The following RUFY3 variants were observed in gnomAD, a reference collection of about 807,000 sequenced individuals.
The protein encoded by RUFY3 is protein RUFY3.
In RUFY3, 34 loss-of-function variants were observed where a neutral mutation model predicts 84.0. That is an observed-to-expected ratio of 0.40 (90% CI 0.31 to 0.54). The LOEUF is 0.54. RUFY3 is among the 20% of genes least tolerant of loss of function. The pLI is 0.39. For missense variants in RUFY3, 507 were observed against 736.8 expected, an observed-to-expected ratio of 0.69 and a Z score of 3.61; for synonymous variants, 242 against 252.9, an observed-to-expected ratio of 0.96 and a Z score of 0.41.
At chr4:70,715,006 A>G (rs903035813) in intron 1 of RUFY3, among the ~76,000 whole-genome samples, 1 of 152,236 alleles carries the variant, frequency 6.6e-6, no homozygotes, top group Non-Finnish European at 1.5e-5. Flanking sequence ...TGTTTCTAAC[A>G]AAGTAATGAT....
At chr4:70,731,352 T>G (rs10009233) in intron 1 of RUFY3, among the ~76,000 whole-genome samples, 32,498 of 152,156 alleles carry the variant, frequency 0.21, 7,828 homozygotes, top group African/African-American at 0.59. Context: ...ATTGCCATCT[T>G]TTAAAGTGGA....
At chr4:70,730,310 A>G (rs1290795224) in intron 1 of RUFY3, among the ~76,000 whole-genome samples, 2 of 152,184 alleles carry the variant, frequency 1.3e-5, no homozygotes. Flanking sequence ...TGAATGCAAT[A>G]AAATATACAT....
At chr4:70,739,328 T>C (rs185178782) in intron 1 of RUFY3, among the ~76,000 whole-genome samples, 2 of 152,342 alleles carry the variant, frequency 1.3e-5, no homozygotes, top group East Asian at 3.9e-4. Context: ...TAAAATTCCA[T>C]TCACTCTATT....
At chr4:70,717,581 G>A (rs975549219), upstream of RUFY3, among the ~76,000 whole-genome samples, 9 of 150,878 alleles carry the variant, frequency 6.0e-5, no homozygotes, top group South Asian at 4.2e-4. Context: ...GAGACTTTGC[G>A]TGTGTGTGTG....
intron 12 of RUFY3, chr4:70,791,314 C>G: frequency 6.2e-7 from 1 of 1,612,464 alleles, no homozygotes; most frequent in Non-Finnish European, 8.5e-7. Context: ...TTAAGTTGGT[C>G]ACGTCGCAAG....
chr4:70,726,960 G>A (rs1718354028), intron 1 of RUFY3, among the ~76,000 whole-genome samples: 1 of 149,928 alleles, frequency 6.7e-6, no homozygotes, highest in Non-Finnish European at 1.5e-5. Context: ...AGGGAAACAT[G>A]TACCACCATT....
rs911433316 is a variant in RUFY3, at chr4:70,807,460, G to A, written c.*801G>A. 2.0e-5 allele frequency: 3 copies of A among 152,114 alleles called. No homozygotes were observed. Among genetic ancestry groups the A allele is most frequent in the African/African-American group, 7.2e-5 (3 of 41,424 alleles). The allele number at this position is 152,114 out of a possible 1,614,324, so 9.4% of individuals were successfully genotyped here. ...GAAATTGTAAGGAGTTTTAAAAATA[G>A]GGTTTGGCTTTTGCAAATAGAAGAT... On this transcript the variant is annotated 3_prime_UTR_variant, in exon 18 of 18. Transcript: ENST00000381006.
intron 1 of RUFY3, among the ~76,000 whole-genome samples, chr4:70,752,784 T>G (rs1465683080): frequency 6.6e-6 from 1 of 152,254 alleles, no homozygotes; most frequent in Non-Finnish European, 1.5e-5. Context: ...TATATAATCC[T>G]TCTTATATGT....
At chr4:70,767,022 T>G (rs1014865391) in intron 4 of RUFY3, among the ~76,000 whole-genome samples, 1 of 152,152 alleles carries the variant, frequency 6.6e-6, no homozygotes, top group Non-Finnish European at 1.5e-5. Context: ...TATATGGCCT[T>G]TTCAGACTGG....
At chr4:70,749,718 C>T (rs1560491569) in intron 1 of RUFY3, among the ~76,000 whole-genome samples, 2 of 149,374 alleles carry the variant, frequency 1.3e-5, no homozygotes, top group East Asian at 4.0e-4. Flanking sequence ...GGTGGTGGCA[C>T]AGCTCACTGT....
chr4:70,775,859 T>C (rs1373720170), intron 7 of RUFY3, among the ~76,000 whole-genome samples: 1 of 151,046 alleles, frequency 6.6e-6, no homozygotes, highest in Admixed American at 6.6e-5. Context: ...GAGGATCACT[T>C]GAGCCTGGGA....
At chr4:70,757,148 C>T (rs1724165303) in intron 1 of RUFY3, among the ~76,000 whole-genome samples, 1 of 151,790 alleles carries the variant, frequency 6.6e-6, no homozygotes, top group Admixed American at 6.6e-5. Context: ...TTGCACACAC[C>T]TGTTTATTAT....
At chr4:70,759,356 TTGTGTGTGTG>T (rs1553911985) in intron 1 of RUFY3, among the ~76,000 whole-genome samples, 2 of 119,910 alleles carry the variant, frequency 1.7e-5, no homozygotes, top group East Asian at 2.8e-4. Context: ...ATGGCTGAAT[TTGTGTGTGTG>T]TGTGTATGTG....
chr4:70,705,041 C>A, exon 1 of RUFY3: 1 of 1,226,942 alleles, frequency 8.2e-7, no homozygotes, highest in Non-Finnish European at 1.0e-6. Flanking sequence ...GCGCTCCCGC[C>A]GGGGGCACGG....
chr4:70,704,873 A>C, exon 1 of RUFY3: 1 of 1,082,732 alleles, frequency 9.2e-7, no homozygotes, highest in South Asian at 4.6e-5. Context: ...CCTCGCCCTG[A>C]CCCTCTGCTC....
intron 5 of RUFY3, among the ~76,000 whole-genome samples, chr4:70,772,147 G>GTA (rs1000230111): frequency 3.3e-5 from 5 of 150,186 alleles, no homozygotes; most frequent in Non-Finnish European, 5.9e-5. Flanking sequence ...TTTATATTGT[G>GTA]TATATATATA....
chr4:70,783,982 A>T (rs1190895641), intron 9 of RUFY3, among the ~76,000 whole-genome samples: 1 of 152,178 alleles, frequency 6.6e-6, no homozygotes, highest in Non-Finnish European at 1.5e-5. Context: ...CATAGTTATT[A>T]AAATTGTTCT....
At chr4:70,756,389 C>T (rs1448219544) in intron 1 of RUFY3, among the ~76,000 whole-genome samples, 1 of 152,186 alleles carries the variant, frequency 6.6e-6, no homozygotes, top group Non-Finnish European at 1.5e-5. Context: ...TCACATCCCA[C>T]GTTAAAGTCT....
intron 1 of RUFY3, among the ~76,000 whole-genome samples, chr4:70,711,005 C>T (rs1740922469): frequency 8.0e-6 from 1 of 124,328 alleles, no homozygotes; most frequent in South Asian, 2.5e-4. Context: ...GCAGAGGTTA[C>T]AGTGAGCCAA....
Sources: gnomAD v4.1 joint callset for allele counts (sites outside exome capture counted in the v4.1 genomes callset) on GRCh38, gnomAD v4.1.1 for gene constraint, MANE v1.5 for transcripts, NCBI Gene and HGNC (gene_info 2026-07-23, HGNC 2026-07-21) for gene names.